The following RAB11FIP3 variants were observed in gnomAD, a reference collection of about 807,000 sequenced individuals.
The protein encoded by RAB11FIP3 is rab11 family-interacting protein 3.
A neutral mutation model predicts 77.8 loss-of-function variants in RAB11FIP3; 17 were observed. That is an observed-to-expected ratio of 0.22 (90% CI 0.15 to 0.33). RAB11FIP3 has a LOEUF of 0.33. Ranked by LOEUF, RAB11FIP3 falls within the 10% of genes least tolerant of loss-of-function variation. The pLI, the probability that RAB11FIP3 is intolerant of heterozygous loss-of-function variation, is 1.00. For missense variants in RAB11FIP3, 1,005 were observed against 1,011.2 expected, an observed-to-expected ratio of 0.99 and a Z score of 0.08; for synonymous variants, 437 against 448.2, an observed-to-expected ratio of 0.98 and a Z score of 0.31.
rs377456067 is a variant in RAB11FIP3 at position 427,300 on chromosome 16, A to C, written c.714+580A>C. The stretch of plus-strand genomic sequence containing the variant: ...GCTTGTAGAGAGTCCTGGAATTAAG[A>C]ATTTTTACTTTGGTGCCTTTGGGGA... On this transcript the variant is annotated intron_variant, in intron 1 of 13. Transcript: ENST00000262305. Among the ~76,000 whole-genome samples, 23 of 152,328 alleles carry C rather than the reference A, an allele frequency of 1.5e-4. 1 individual carries two copies. Among genetic ancestry groups the C allele is most frequent in the African/African-American group, 5.5e-4 (23 of 41,582 alleles).
chr16:436,793 G>A (rs1049030248), intron 1 of RAB11FIP3, among the ~76,000 whole-genome samples: 9 of 152,070 alleles, frequency 5.9e-5, no homozygotes, highest in African/African-American at 1.7e-4. Flanking sequence ...TCGTAGAGAC[G>A]AGTTCTCACT....
intron 1 of RAB11FIP3, among the ~76,000 whole-genome samples, chr16:451,945 T>G (rs2055415257): frequency 1.3e-5 from 2 of 152,084 alleles, no homozygotes; most frequent in South Asian, 4.1e-4. Context: ...GGTCAGGAGT[T>G]GGAGACCAGC....
At chr16:483,554 G>T (rs1175194770) in intron 4 of RAB11FIP3, among the ~76,000 whole-genome samples, 1 of 152,198 alleles carries the variant, frequency 6.6e-6, no homozygotes, top group Non-Finnish European at 1.5e-5. Flanking sequence ...GGCCCTGAAA[G>T]AAATCCGAGT....
At chr16:459,315 G>T (rs1162366062) in intron 1 of RAB11FIP3, among the ~76,000 whole-genome samples, 1 of 151,646 alleles carries the variant, frequency 6.6e-6, no homozygotes, top group African/African-American at 2.4e-5. Flanking sequence ...TAGTAGAGAT[G>T]GGGTTTCTCC....
intron 1 of RAB11FIP3, among the ~76,000 whole-genome samples, chr16:438,227 C>A (rs536279001): frequency 6.6e-6 from 1 of 151,678 alleles, no homozygotes; most frequent in African/African-American, 2.4e-5. Flanking sequence ...CCTGCCTTAG[C>A]CTCCTGAGTA....
intron 3 of RAB11FIP3, among the ~76,000 whole-genome samples, chr16:477,437 G>A (rs565374033): frequency 1.3e-5 from 2 of 152,286 alleles, no homozygotes; most frequent in East Asian, 3.9e-4. Flanking sequence ...GCTGGCAACT[G>A]CCCTCAAACC....
At position 466,251 on chromosome 16, in the gene RAB11FIP3, C is replaced by T. The variant is rs77592796; in HGVS notation, c.808+4754C>T. On this transcript the variant is annotated intron_variant, in intron 2 of 13. Transcript: ENST00000262305. ...CACAGCCTGTCATGGAGAGTTAAGA[C>T]GGGTCTTTTGTAGGTTTGGACAGGT... is the stretch of plus-strand genomic sequence containing the variant. 9.9e-3 allele frequency among the ~76,000 whole-genome samples: 1,510 copies of T among 152,190 alleles called. 49 individuals carry two copies. The East Asian group carries it at 0.11, about 11-fold the overall frequency.
intron 2 of RAB11FIP3, among the ~76,000 whole-genome samples, chr16:465,769 C>T (rs1180640910): frequency 6.6e-6 from 1 of 152,154 alleles, no homozygotes; most frequent in African/African-American, 2.4e-5. Flanking sequence ...GCTGCCACAC[C>T]TGGCCAATTT....
chr16:426,575 C>G lies in RAB11FIP3; in HGVS notation c.569C>G (p.Thr190Ser), dbSNP rs547222826. 15 of 1,596,100 alleles carry G rather than the reference C, an allele frequency of 9.4e-6. No individual in the cohort carries two copies. In the African/African-American group the frequency reaches 1.6e-4, roughly 17 times the overall value. ...SPPQPSDLSQ[T>S]HPLPSEPVGS... ...CCGCAGCCCTCGGACCTCAGCCAGA[C>G]CCACCCCCTTCCGAGCGAGCCCGTG... The change falls in exon 1 of 14, where the codon ACC becomes AGC. Residue 190 changes from threonine to serine, a missense_variant. Coordinates refer to ENST00000262305, the MANE Select transcript of RAB11FIP3 (RefSeq NM_014700.4). The surrounding 1 kb of genome is among the most constrained non-coding windows in gnomAD (Gnocchi z 5.0).
At chr16:477,594 AG>A in intron 3 of RAB11FIP3, 1 of 984,718 alleles carries the variant, frequency 1.0e-6, no homozygotes, top group Non-Finnish European at 1.2e-6. Context: ...AGCACAGGCC[AG>A]CCCTGTCCTG....
In RAB11FIP3 at chr16:516,614, C is replaced by T. The variant is rs987592265; in HGVS notation, c.1641-2329C>T. On this transcript the variant is annotated intron_variant, in intron 9 of 13. Transcript: ENST00000262305. ...AAAGAGGGCCGGGCGCGGTGGCTCA[C>T]GCCTGTAACCCCAGCACTTTGGGAG... Among the ~76,000 whole-genome samples, 6 of 152,218 alleles carry T rather than the reference C, an allele frequency of 3.9e-5. No individual in the cohort carries two copies. In the East Asian group the frequency reaches 5.8e-4, roughly 15 times the overall value.
intron 1 of RAB11FIP3, among the ~76,000 whole-genome samples, chr16:431,990 C>T (rs571728982): frequency 2.6e-5 from 4 of 152,142 alleles, no homozygotes; most frequent in Non-Finnish European, 4.4e-5. Flanking sequence ...ATCTCCTGAC[C>T]GCATGATCCG....
Position 514,236 on chromosome 16 carries a change from C to T in RAB11FIP3, c.1640+3436C>T, listed in dbSNP as rs935076825. On this transcript the variant is annotated intron_variant, in intron 9 of 13. Coordinates refer to ENST00000262305, the MANE Select transcript of RAB11FIP3 (RefSeq NM_014700.4). This position sits in a 1 kb window ranked among gnomAD's most constrained non-coding sequence, Gnocchi z 4.6. ...GGGCTGCTCAGGCCGTCAGAGGCCC[C>T]TGCAGCCCCAGGTCAGCAACCTGCG... Among the ~76,000 whole-genome samples, 1 of 151,626 alleles carries T rather than the reference C, an allele frequency of 6.6e-6. No homozygotes were observed. Among genetic ancestry groups the T allele is most frequent in the African/African-American group, 2.4e-5 (1 of 40,862 alleles).
intron 9 of RAB11FIP3, among the ~76,000 whole-genome samples, chr16:511,384 G>A (rs1260814529): frequency 1.1e-4 from 14 of 124,090 alleles, no homozygotes; most frequent in Non-Finnish European, 2.0e-4. Flanking sequence ...AGGCCAGGTA[G>A]GAGAGGTTCC....
chr16:463,430 G>GTTTTTTTTTT (rs142875972), intron 2 of RAB11FIP3, among the ~76,000 whole-genome samples: 1 of 82,260 alleles, frequency 1.2e-5, no homozygotes, highest in Non-Finnish European at 2.3e-5. Context: ...TTGTTCCCCG[G>GTTTTTTTTTT]TTTTTTTTTT....
At chr16:509,961 C>T (rs1016150695) in intron 8 of RAB11FIP3, among the ~76,000 whole-genome samples, 1 of 152,270 alleles carries the variant, frequency 6.6e-6, no homozygotes, top group Non-Finnish European at 1.5e-5. Context: ...CCGCGGACCA[C>T]GTGCTCATCA....
intron 2 of RAB11FIP3, among the ~76,000 whole-genome samples, chr16:468,994 C>T (rs917894455): frequency 1.1e-4 from 16 of 152,080 alleles, no homozygotes; most frequent in Admixed American, 2.0e-4. Flanking sequence ...GTTTTTAGTT[C>T]TGTGTTTCAG....
intron 2 of RAB11FIP3, among the ~76,000 whole-genome samples, chr16:468,605 C>A (rs888202192): frequency 2.0e-5 from 3 of 152,202 alleles, no homozygotes; most frequent in African/African-American, 7.2e-5. Flanking sequence ...CGAGGAGTGA[C>A]CAGCAGGATG....
At chr16:490,378 G>A (rs976211144) in intron 5 of RAB11FIP3, among the ~76,000 whole-genome samples, 19 of 152,196 alleles carry the variant, frequency 1.2e-4, no homozygotes, top group Admixed American at 1.2e-3. Flanking sequence ...CTTTTTGGGG[G>A]TTTTTTGAGA....
Sources: gnomAD v4.1 joint callset for allele counts (sites outside exome capture counted in the v4.1 genomes callset) on GRCh38, gnomAD v4.1.1 for gene constraint, Gnocchi (gnomAD v3.1) non-coding constraint, MANE v1.5 for transcripts, NCBI Gene and HGNC (gene_info 2026-07-23, HGNC 2026-07-21) for gene names.